Variants in CADM2 observed in about 807,000 individuals in gnomAD.
CADM2 encodes immunoglobulin superfamily member 4D.
CADM2 carries 12 observed loss-of-function variants against 49.8 expected under a neutral mutation model. The ratio of observed to expected loss-of-function variants is 0.24; its 90% confidence interval spans 0.15 to 0.39. The LOEUF is 0.39. Among genes scored for constraint, CADM2 ranks in the 10% least tolerant of loss-of-function variants. The pLI, the probability that CADM2 is intolerant of heterozygous loss-of-function variation, is 1.00. For synonymous variants in CADM2, 214 were observed against 175.4 expected (o/e 1.22, Z -1.74); for missense variants, 378 against 492.3 (o/e 0.77, Z 2.20).
chr3:84,960,003 A>C (rs1046849248), intron 1 of CADM2: 5 of 401,662 alleles, frequency 1.2e-5, no homozygotes, highest in Non-Finnish European at 2.2e-5. Context: ...TGAACATTCC[A>C]CCCTCCCGAC....
chr3:85,086,568 G>A (rs1170809794), intron 1 of CADM2, among the ~76,000 whole-genome samples: 2 of 148,252 alleles, frequency 1.3e-5, no homozygotes, highest in Non-Finnish European at 3.0e-5. Context: ...CTAGAGTGCG[G>A]TGGTGTGATC....
At chr3:85,905,492 T>C (rs978194172) in intron 5 of CADM2, among the ~76,000 whole-genome samples, 14 of 152,148 alleles carry the variant, frequency 9.2e-5, no homozygotes, top group African/African-American at 3.4e-4. Flanking sequence ...GCAACCTTTA[T>C]TTTAATTAAT....
chr3:85,739,916 T>C (rs576655588), intron 2 of CADM2, among the ~76,000 whole-genome samples: 4 of 152,290 alleles, frequency 2.6e-5, no homozygotes, highest in South Asian at 2.1e-4. Flanking sequence ...TTACTTTTTT[T>C]CCAGCTATTT....
intron 9 of CADM2, 104 bp downstream of exon 9, chr3:86,065,834 A>C: frequency 9.2e-7 from 1 of 1,081,166 alleles, no homozygotes; most frequent in Non-Finnish European, 1.3e-6. Flanking sequence ...ACATGTGTAG[A>C]ATAGGGAGAT....
chr3:85,061,435 A>G (rs2036312437), intron 1 of CADM2, among the ~76,000 whole-genome samples: 1 of 152,204 alleles, frequency 6.6e-6, no homozygotes, highest in African/African-American at 2.4e-5. Context: ...TATTTGAATA[A>G]GAAAGGATAT....
chr3:85,452,227 G>A (rs139455348), intron 1 of CADM2, among the ~76,000 whole-genome samples: 248 of 152,166 alleles, frequency 1.6e-3, no homozygotes, highest in African/African-American at 5.9e-3. Context: ...AACTCTTGAG[G>A]CATTTCGGAT....
chr3:85,943,314 T>C (rs1577726196), intron 7 of CADM2, among the ~76,000 whole-genome samples: 2 of 136,304 alleles, frequency 1.5e-5, no homozygotes, highest in East Asian at 2.1e-4. Flanking sequence ...TAGTTTCTTT[T>C]GCTGTGCAGA....
intron 2 of CADM2, among the ~76,000 whole-genome samples, chr3:85,754,858 A>T (rs1429563029): frequency 2.0e-5 from 3 of 152,204 alleles, no homozygotes; most frequent in African/African-American, 7.2e-5. Flanking sequence ...GAGTATTGAC[A>T]TTTTTTTAAA....
At chr3:85,081,818 C>G (rs1157682689) in intron 1 of CADM2, among the ~76,000 whole-genome samples, 2 of 152,120 alleles carry the variant, frequency 1.3e-5, no homozygotes, top group Non-Finnish European at 2.9e-5. Flanking sequence ...TAATGCATAT[C>G]TGTCTTGGTA....
At chr3:85,140,935 G>T (rs187636205) in intron 1 of CADM2, among the ~76,000 whole-genome samples, 1 of 152,166 alleles carries the variant, frequency 6.6e-6, no homozygotes, top group Non-Finnish European at 1.5e-5. Context: ...TGTCTTGAGA[G>T]TACACTGGTT....
intron 1 of CADM2, among the ~76,000 whole-genome samples, chr3:85,255,431 T>C (rs1670964347): frequency 6.6e-6 from 1 of 152,066 alleles, no homozygotes; most frequent in South Asian, 2.1e-4. Context: ...CCAGCTTCTC[T>C]TGTGGAATGA....
At chr3:85,960,944 G>T (rs1381444294) in intron 7 of CADM2, among the ~76,000 whole-genome samples, 5 of 147,554 alleles carry the variant, frequency 3.4e-5, no homozygotes, top group African/African-American at 1.2e-4. Flanking sequence ...GTATTTGTAT[G>T]TATGAATATG....
intron 3 of CADM2, among the ~76,000 whole-genome samples, chr3:85,804,412 T>C (rs1455964364): frequency 6.6e-6 from 1 of 152,208 alleles, no homozygotes; most frequent in Admixed American, 6.6e-5. Context: ...TTTGAAAGTG[T>C]AGCACACTAT....
At chr3:85,062,307 C>G (rs1048755143) in intron 1 of CADM2, among the ~76,000 whole-genome samples, 1 of 151,914 alleles carries the variant, frequency 6.6e-6, no homozygotes, top group Admixed American at 6.6e-5. Flanking sequence ...CATGGTAGTC[C>G]TAAACAAATC....
chr3:85,869,153 T>A (rs1194389658), intron 3 of CADM2, among the ~76,000 whole-genome samples: 3 of 152,200 alleles, frequency 2.0e-5, no homozygotes, highest in African/African-American at 7.2e-5. Flanking sequence ...GTTATGGTAA[T>A]GCTAACCTCA....
chr3:85,157,535 G>A (rs947943543), intron 1 of CADM2, among the ~76,000 whole-genome samples: 18 of 151,042 alleles, frequency 1.2e-4, no homozygotes, highest in African/African-American at 2.9e-4. Flanking sequence ...AAATAATGCC[G>A]CATATCTACA....
intron 1 of CADM2, among the ~76,000 whole-genome samples, chr3:85,688,812 C>A (rs2066293523): frequency 6.6e-6 from 1 of 152,150 alleles, no homozygotes; most frequent in African/African-American, 2.4e-5. Flanking sequence ...AAGCGATCCT[C>A]CTGTCTCAGC....
At chr3:85,051,629 A>T (rs2035886338) in intron 1 of CADM2, among the ~76,000 whole-genome samples, 1 of 152,116 alleles carries the variant, frequency 6.6e-6, no homozygotes, top group Non-Finnish European at 1.5e-5. Context: ...TATGTATCTA[A>T]ATTACCCAGA....
chr3:85,692,706 C>G (rs540722012), intron 1 of CADM2, among the ~76,000 whole-genome samples: 1 of 152,262 alleles, frequency 6.6e-6, no homozygotes, highest in South Asian at 2.1e-4. Flanking sequence ...AGAACTTACT[C>G]CCTGGTTACT....
Sources: allele counts gnomAD v4.1 joint callset (sites outside exome capture counted in the v4.1 genomes callset), GRCh38; gene constraint gnomAD v4.1.1; transcripts MANE v1.5; gene names NCBI Gene and HGNC (gene_info 2026-07-23, HGNC 2026-07-21).